Variants in VPS54 observed in about 807,000 individuals in gnomAD.
VPS54 encodes the protein VPS54 subunit of GARP complex.
A neutral mutation model predicts 121.5 loss-of-function variants in VPS54; 45 were observed. The observed-to-expected ratio is 0.37, with a 90% CI of 0.29 to 0.47. The LOEUF (loss-of-function observed/expected upper bound fraction) is 0.47, where lower values mean the gene tolerates loss of function less well. Ranked by LOEUF, VPS54 falls within the 20% of genes least tolerant of loss-of-function variation. The probability of loss-of-function intolerance (pLI) is 0.99; values close to 1 mark genes in which losing one functional copy is unlikely to be tolerated. For missense variants in VPS54, 1,090 were observed against 1,131.4 expected (o/e 0.96, Z 0.52); for synonymous variants, 371 against 385.8 (o/e 0.96, Z 0.45).
At chr2:63,986,560 C>A (rs572625312) in intron 1 of VPS54, among the ~76,000 whole-genome samples, 1 of 152,216 alleles carries the variant, frequency 6.6e-6, no homozygotes. Context: ...AATACTGCTG[C>A]AATAAATATG....
chr2:63,920,536 C>A lies in VPS54; in HGVS notation c.1961G>T (p.Gly654Val). ...TFILDTEQIC[G>V]RKSTSLLGAL... is the part of the protein sequence containing the mutation. The stretch of plus-strand genomic sequence containing the variant: ...TCCAAGTAATGACGTGCTTTTTCTT[C>A]CACAGATCTGTTCGGTGTCTAAAAT... The change falls in exon 14 of 23, where the codon GGA becomes GTA. Residue 654 changes from glycine to valine, a missense_variant. Transcript: ENST00000272322. 2 of 1,590,910 alleles carry A rather than the reference C, an allele frequency of 1.3e-6. No homozygotes were observed. Among genetic ancestry groups the A allele is most frequent in the Non-Finnish European group, 1.7e-6 (2 of 1,169,200 alleles).
At chr2:64,016,004 T>C (rs564316421) in intron 1 of VPS54, among the ~76,000 whole-genome samples, 1 of 152,340 alleles carries the variant, frequency 6.6e-6, no homozygotes, top group Admixed American at 6.5e-5. Context: ...AAAGTCCCAT[T>C]TCTTGCTTTA....
At chr2:63,950,350 A>G (rs1320123684) in intron 7 of VPS54, among the ~76,000 whole-genome samples, 5 of 152,130 alleles carry the variant, frequency 3.3e-5, no homozygotes, top group Non-Finnish European at 7.3e-5. Context: ...AATGAGCTGT[A>G]AAGGTACTTA....
chr2:63,918,971 CTT>C (rs1437032780), intron 15 of VPS54, among the ~76,000 whole-genome samples: 1 of 152,026 alleles, frequency 6.6e-6, no homozygotes, highest in African/African-American at 2.4e-5. Context: ...TTACTCAAGT[CTT>C]TCTCTTGTAG....
At chr2:63,991,520 C>G (rs1261589090) in intron 1 of VPS54, among the ~76,000 whole-genome samples, 2 of 152,186 alleles carry the variant, frequency 1.3e-5, no homozygotes, top group Non-Finnish European at 2.9e-5. Flanking sequence ...TTGGAGCCTG[C>G]TATAATTGCA....
chr2:64,018,598 A>G (rs1678822372), intron 1 of VPS54, among the ~76,000 whole-genome samples: 1 of 151,756 alleles, frequency 6.6e-6, no homozygotes, highest in Admixed American at 6.6e-5. Context: ...AAGAAAAGGA[A>G]AGTTTGGGGG....
At chr2:63,994,386 T>C (rs796371184) in intron 1 of VPS54, among the ~76,000 whole-genome samples, 4 of 152,302 alleles carry the variant, frequency 2.6e-5, no homozygotes, top group African/African-American at 9.6e-5. Context: ...TTATTCTTAT[T>C]GGGCTTATGT....
intron 1 of VPS54, among the ~76,000 whole-genome samples, chr2:64,000,768 G>A (rs183963529): frequency 2.0e-5 from 3 of 152,266 alleles, no homozygotes; most frequent in Admixed American, 2.0e-4. Context: ...CATGGGGCTT[G>A]CAGCAGGGCA....
At chr2:63,972,060 GAAAT>G (rs1319576724) in intron 4 of VPS54, 102 bp downstream of exon 4, 8 of 595,722 alleles carry the variant, frequency 1.3e-5, no homozygotes, top group Non-Finnish European at 2.1e-5. Flanking sequence ...AATTTTACTA[GAAAT>G]AAAAATTATA....
intron 12 of VPS54, among the ~76,000 whole-genome samples, chr2:63,923,467 C>T (rs1333751455): frequency 6.6e-6 from 1 of 152,116 alleles, no homozygotes; most frequent in Non-Finnish European, 1.5e-5. Context: ...TATATGTACA[C>T]TCAAGTTCAT....
chr2:63,981,955 T>C (rs1266195505), intron 2 of VPS54, 68 bp from the exon 3 acceptor site: 2 of 1,487,136 alleles, frequency 1.3e-6, no homozygotes, highest in African/African-American at 1.4e-5. Flanking sequence ...AAGTACACAC[T>C]AGAAAACTAA....
chr2:63,942,520 A>C lies in VPS54; in HGVS notation c.1343T>G (p.Phe448Cys). ...AGAGAAAATATCCTTGAGCAGATCA[A>C]ACCACTGGGGAAAATTCAACATTCT... ...QMRMLNFPQW[F>C]DLLKDIFSKF... The change falls in exon 11 of 23, where the codon TTT becomes TGT. Residue 448 changes from phenylalanine (F) to cysteine (C), a missense_variant. By Grantham distance (205) the Phe-to-Cys change is radical. This residue lies in a region of VPS54 where 801 missense variants were observed against 757.0 expected (regional missense o/e 1.06). Coordinates refer to ENST00000272322, the MANE Select transcript of VPS54 (RefSeq NM_016516.3). 6.3e-7 allele frequency: 1 copy of C among 1,598,514 alleles called. No homozygotes were observed. The highest frequency in any genetic ancestry group is 2.3e-5 in the East Asian group (1 of 44,310).
intron 20 of VPS54, among the ~76,000 whole-genome samples, chr2:63,904,722 C>T (rs1414793303): frequency 1.3e-5 from 2 of 152,204 alleles, no homozygotes; most frequent in Non-Finnish European, 2.9e-5. Flanking sequence ...ACACAGGACA[C>T]TCTACCCAGC....
chr2:63,905,206 A>G (rs892977904), intron 20 of VPS54, among the ~76,000 whole-genome samples: 7 of 152,140 alleles, frequency 4.6e-5, no homozygotes, highest in African/African-American at 1.4e-4. Flanking sequence ...AATAACACAG[A>G]CTGGAGCAGG....
intron 22 of VPS54, among the ~76,000 whole-genome samples, chr2:63,894,888 A>G (rs1376929312): frequency 6.6e-6 from 1 of 152,210 alleles, no homozygotes; most frequent in African/African-American, 2.4e-5. Context: ...GGTACAATAA[A>G]TAAGACTAAA....
intron 7 of VPS54, among the ~76,000 whole-genome samples, chr2:63,955,571 C>T (rs1675455826): frequency 6.6e-6 from 1 of 151,926 alleles, no homozygotes; most frequent in South Asian, 2.1e-4. Flanking sequence ...TGAATAGCTT[C>T]ATTTTTATGT....
At position 63,894,719 on chromosome 2, in the gene VPS54, T is replaced by G. The variant is rs186776493; in HGVS notation, c.2829-1184A>C. Among the ~76,000 whole-genome samples the G allele has an allele frequency of 1.1e-3, 158 of 148,918 alleles. 1 individual carries two copies. Among genetic ancestry groups the G allele is most frequent in the Non-Finnish European group, 1.9e-3 (131 of 67,410 alleles). ...CTGTCTCCAAAAAAAAAAAAAAGGT[T>G]GTTTGATGGAATACTGTACAGCAGT... On this transcript the variant is annotated intron_variant, in intron 22 of 22. Transcript: ENST00000272322.
chr2:63,934,038 TA>T, intron 11 of VPS54, 25 bp from the exon 12 acceptor site: 1 of 1,580,192 alleles, frequency 6.3e-7, no homozygotes, highest in Non-Finnish European at 8.6e-7. Flanking sequence ...GACACACTTT[TA>T]AGGGACGTAA....
chr2:63,938,808 TAA>T lies in VPS54; in HGVS notation c.1398+3655_1398+3656del, dbSNP rs536246333. ...GGTACAGAGTTTCAGCTTTGCAAGATAAAAAGAGTTCTGTGGATGGATGTTTG... is the reference window on the plus strand; with the variant it reads ...GGTACAGAGTTTCAGCTTTGCAAGATAAAGAGTTCTGTGGATGGATGTTTG... On this transcript the variant is annotated intron_variant, in intron 11 of 22. Transcript: ENST00000272322. Among the ~76,000 whole-genome samples, 12 of 152,314 alleles carry T rather than the reference TAA, an allele frequency of 7.9e-5. No individual in the cohort carries two copies. In the South Asian group the frequency reaches 2.1e-3, roughly 26 times the overall value.
Sources: gnomAD v4.1 joint callset for allele counts (sites outside exome capture counted in the v4.1 genomes callset) on GRCh38, gnomAD v4.1.1 for gene constraint, gnomAD v4.1.1 regional missense constraint, MANE v1.5 for transcripts, NCBI Gene and HGNC (gene_info 2026-07-23, HGNC 2026-07-21) for gene names.